The following RGS5 variants were observed in gnomAD, a reference collection of about 807,000 sequenced individuals.
RGS5 encodes regulator of G-protein signalling 5.
In RGS5, 20 loss-of-function variants were observed where a neutral mutation model predicts 18.9. The ratio of observed to expected loss-of-function variants is 1.06; its 90% CI spans 0.74 to 1.54. The LOEUF is 1.54. Among genes scored for constraint, RGS5 ranks in the 40% most tolerant of loss-of-function variants. The pLI, the probability that RGS5 is intolerant of heterozygous loss-of-function variation, is 0.00. For missense variants in RGS5, 201 were observed against 211.8 expected (o/e 0.95, Z 0.32); for synonymous variants, 57 against 76.2 (o/e 0.75, Z 1.31).
At chr1:163,214,086 T>C (rs1660167549) in intron 1 of RGS5, among the ~76,000 whole-genome samples, 1 of 152,144 alleles carries the variant, frequency 6.6e-6, no homozygotes, top group Admixed American at 6.5e-5. Context: ...TTTAGTCCCA[T>C]GGTTGGGCTC....
In RGS5 at chr1:163,276,473, T is replaced by C. The variant is rs185779255; in HGVS notation, c.-281+29760A>G. 5.5e-4 allele frequency among the ~76,000 whole-genome samples: 84 copies of C among 152,350 alleles called. 1 individual carries two copies. Among genetic ancestry groups the C allele is most frequent in the Non-Finnish European group, 2.6e-4 (18 of 68,042 alleles). On this transcript the variant is annotated intron_variant, in intron 2 of 5. Transcript: ENST00000618415. ...ATTTTTTTCATAACGATGCTTACGT[T>C]CGTATATCTAATTGCTATAAGTCTG...
chr1:163,300,467 A>G (rs1649526074), intron 2 of RGS5: 1 of 152,260 alleles, frequency 6.6e-6, no homozygotes, highest in African/African-American at 2.4e-5. Context: ...GTGCTCAAGT[A>G]CTAACCAGGT....
intron 1 of RGS5, among the ~76,000 whole-genome samples, chr1:163,208,347 C>CA (rs55848330): frequency 0.35 from 13,076 of 37,452 alleles, 3,217 homozygotes; most frequent in East Asian, 0.75. Context: ...GACTCCGTCT[C>CA]AAAAAAAAAA....
In RGS5 at chr1:163,144,679, A is replaced by G. The variant is rs80217475; in HGVS notation, c.*2663T>C. 3.3e-5 allele frequency: 5 copies of G among 152,704 alleles called. No individual in the cohort carries two copies. The East Asian group carries it at 9.6e-4, about 29-fold the overall frequency. 9.5% of individuals were successfully genotyped at this position (152,704 alleles called of 1,614,324 possible). The stretch of plus-strand genomic sequence containing the variant: ...CTGGAGTGATAAGCAGATGTTACAC[A>G]TGTTTTTCCTGGAAAGATCACCCCA... On this transcript the variant is annotated 3_prime_UTR_variant, in exon 5 of 5. Coordinates refer to ENST00000313961, the MANE Select transcript of RGS5 (RefSeq NM_003617.4).
intron 2 of RGS5, among the ~76,000 whole-genome samples, chr1:163,165,632 G>A (rs372117854): frequency 4.3e-4 from 65 of 152,244 alleles, no homozygotes; most frequent in East Asian, 2.7e-3. Context: ...TGGGCTGGGC[G>A]TGGTGGCTCA....
rs559108888 is a variant in RGS5, at chr1:163,242,990, G to C, written c.-281+63243C>G. On this transcript the variant is annotated intron_variant, in intron 2 of 5. Coordinates refer to the RGS5 transcript ENST00000618415. ...TGTGTTTGCAAACATTCTACACTCA[G>C]AAGTTCAAAGATACATTTGTATAGG... Among the ~76,000 whole-genome samples, 10 of 152,286 alleles carry C rather than the reference G, an allele frequency of 6.6e-5. No homozygotes were observed. The South Asian group carries it at 2.1e-3, about 32-fold the overall frequency.
At chr1:163,229,359 G>C (rs1647414710) in intron 2 of RGS5, among the ~76,000 whole-genome samples, 1 of 152,130 alleles carries the variant, frequency 6.6e-6, no homozygotes, top group Non-Finnish European at 1.5e-5. Context: ...ATTATCATGA[G>C]AACAGCATGG....
intron 2 of RGS5, among the ~76,000 whole-genome samples, chr1:163,166,625 T>C (rs1294292600): frequency 6.6e-6 from 1 of 152,118 alleles, no homozygotes; most frequent in East Asian, 1.9e-4. Context: ...CTGTTGAAAA[T>C]GCAATAGATA....
At chr1:163,257,812 T>TAC (rs1414574524) in intron 2 of RGS5, among the ~76,000 whole-genome samples, 5 of 152,232 alleles carry the variant, frequency 3.3e-5, no homozygotes, top group Admixed American at 1.3e-4. Context: ...TTTCAGGCTA[T>TAC]ACTTACAATC....
intron 3 of RGS5, among the ~76,000 whole-genome samples, chr1:163,158,843 C>G (rs1297559324): frequency 6.6e-6 from 1 of 152,088 alleles, no homozygotes; most frequent in East Asian, 1.9e-4. Context: ...ATTTATTAGG[C>G]AGGAATTTCC....
intron 3 of RGS5, among the ~76,000 whole-genome samples, chr1:163,155,063 A>G (rs2661276): frequency 0.56 from 84,698 of 151,922 alleles, 25,881 homozygotes; most frequent in South Asian, 0.72. Context: ...GGCATGTTTT[A>G]GCTTCCAGGA....
At chr1:163,231,292 AC>A (rs1571307288) in intron 2 of RGS5, among the ~76,000 whole-genome samples, 1 of 152,330 alleles carries the variant, frequency 6.6e-6, no homozygotes, top group East Asian at 1.9e-4. Flanking sequence ...GCTGCACAAA[AC>A]CCATGAAATA....
intron 2 of RGS5, among the ~76,000 whole-genome samples, chr1:163,258,739 C>T (rs1351519284): frequency 6.6e-6 from 1 of 151,952 alleles, no homozygotes; most frequent in Non-Finnish European, 1.5e-5. Flanking sequence ...GCAATGATAG[C>T]TCACTGCAGC....
At chr1:163,152,320 G>A (rs1469424196) in intron 4 of RGS5, among the ~76,000 whole-genome samples, 1 of 152,150 alleles carries the variant, frequency 6.6e-6, no homozygotes, top group Non-Finnish European at 1.5e-5. Flanking sequence ...ATCTCCACTG[G>A]AGGTTAGTGG....
intron 4 of RGS5, among the ~76,000 whole-genome samples, chr1:163,151,741 A>G (rs1485675316): frequency 6.6e-6 from 1 of 152,226 alleles, no homozygotes. Context: ...CTGTGAGTCA[A>G]TTAAACCTCT....
At chr1:163,280,932 T>C (rs1262991024) in intron 2 of RGS5, among the ~76,000 whole-genome samples, 5 of 152,148 alleles carry the variant, frequency 3.3e-5, no homozygotes, top group Non-Finnish European at 5.9e-5. Flanking sequence ...CTAGGTAATA[T>C]GGTTTGGTTC....
At chr1:163,276,995 G>T (rs1019757560) in intron 2 of RGS5, among the ~76,000 whole-genome samples, 1 of 152,054 alleles carries the variant, frequency 6.6e-6, no homozygotes, top group Non-Finnish European at 1.5e-5. Flanking sequence ...AGCTGACCAG[G>T]ATTAACATCA....
chr1:163,191,578 A>T (rs1013172067), intron 1 of RGS5, among the ~76,000 whole-genome samples: 10 of 152,206 alleles, frequency 6.6e-5, no homozygotes, highest in Admixed American at 2.0e-4. Flanking sequence ...ATTATGCCAT[A>T]GTCTAACCCA....
At chr1:163,196,540 A>C (rs904425475) in intron 1 of RGS5, among the ~76,000 whole-genome samples, 1 of 152,174 alleles carries the variant, frequency 6.6e-6, no homozygotes, top group African/African-American at 2.4e-5. Context: ...ACTAAATGAA[A>C]GAAAGAATAG....
Sources: gnomAD v4.1 joint callset for allele counts (sites outside exome capture counted in the v4.1 genomes callset) on GRCh38, gnomAD v4.1.1 for gene constraint, MANE v1.5 for transcripts, NCBI Gene and HGNC (gene_info 2026-07-23, HGNC 2026-07-21) for gene names.